The following XYLT1 variants were observed in gnomAD, a reference collection of about 807,000 sequenced individuals.
XYLT1 encodes xylosyltransferase 1.
XYLT1 carries 36 observed loss-of-function variants against 91.3 expected under a neutral mutation model. The ratio of observed to expected loss-of-function variants is 0.39; its 90% CI spans 0.30 to 0.52. The LOEUF is 0.52. XYLT1 is among the 20% of genes least tolerant of loss of function. XYLT1 has a pLI of 0.68. For synonymous variants in XYLT1, 588 were observed against 532.0 expected, an observed-to-expected ratio of 1.11 and a Z score of -1.45; for missense variants, 1,242 against 1,284.5, an observed-to-expected ratio of 0.97 and a Z score of 0.51.
intron 2 of XYLT1, among the ~76,000 whole-genome samples, chr16:17,311,495 G>A (rs192201522): frequency 6.6e-6 from 1 of 152,274 alleles, no homozygotes; most frequent in Admixed American, 6.5e-5. Flanking sequence ...CCCATGTGAT[G>A]CAGCTGCTGT....
intron 1 of XYLT1, among the ~76,000 whole-genome samples, chr16:17,389,536 G>T (rs536085224): frequency 2.0e-5 from 3 of 152,358 alleles, no homozygotes; most frequent in South Asian, 2.1e-4. Flanking sequence ...CAGCCCCGGA[G>T]TGGATCTGTT....
intron 10 of XYLT1, among the ~76,000 whole-genome samples, chr16:17,124,501 C>T (rs1488657373): frequency 6.6e-6 from 1 of 152,116 alleles, no homozygotes; most frequent in Non-Finnish European, 1.5e-5. Context: ...GATGGGTTTT[C>T]CTTTATAGGT....
intron 5 of XYLT1, among the ~76,000 whole-genome samples, chr16:17,161,195 G>A (rs1406897238): frequency 6.6e-6 from 1 of 152,096 alleles, no homozygotes; most frequent in African/African-American, 2.4e-5. Context: ...CACATTTACC[G>A]CTTCACCGAG....
At chr16:17,437,918 G>A (rs906458993) in intron 1 of XYLT1, among the ~76,000 whole-genome samples, 3 of 152,220 alleles carry the variant, frequency 2.0e-5, no homozygotes, top group African/African-American at 7.2e-5. Context: ...TTTCTGGACG[G>A]GATCATACAT....
chr16:17,458,492 A>ATCAGAGAGGGCCTCCAATGGGGAAT (rs1490423769), intron 1 of XYLT1, among the ~76,000 whole-genome samples: 1 of 152,186 alleles, frequency 6.6e-6, no homozygotes, highest in Non-Finnish European at 1.5e-5. Flanking sequence ...CAATGCAGAC[A>ATCAGAGAGGGCCTCCAATGGGGAAT]TCAGAGAGGG....
chr16:17,337,865 C>T (rs527385533), intron 2 of XYLT1, among the ~76,000 whole-genome samples: 3 of 145,750 alleles, frequency 2.1e-5, no homozygotes, highest in Non-Finnish European at 4.5e-5. Context: ...ACTCCAGCTT[C>T]TGTCTCCAGG....
chr16:17,470,725 C>T lies in XYLT1; in HGVS notation c.72G>A (p.Val24=). The change falls in exon 1 of 12, where the codon GTG becomes GTA. Residue 24 remains valine (V), a synonymous_variant. Coordinates refer to ENST00000261381, the MANE Select transcript of XYLT1 (RefSeq NM_022166.4). ...ACACGACCAGCGTCTGCAGCAGCAG[C>T]ACCGTGAGCGCCGCGAGCAGCGCCG... The part of the protein sequence containing the change: ...SHSALLAALT[V]LLLQTLVVWN... 1 of 1,151,078 alleles carries T rather than the reference C, an allele frequency of 8.7e-7. No individual in the cohort carries two copies. The highest frequency in any genetic ancestry group is 1.1e-6 in the Non-Finnish European group (1 of 918,804). 71.3% of individuals were successfully genotyped at this position (1,151,078 alleles called of 1,614,324 possible). A position where few individuals can be genotyped will look rare whatever the true frequency, so the allele number is the denominator to read the frequency against.
intron 2 of XYLT1, among the ~76,000 whole-genome samples, chr16:17,332,788 T>C (rs886566823): frequency 3.9e-5 from 6 of 152,128 alleles, no homozygotes; most frequent in African/African-American, 1.4e-4. Flanking sequence ...ATTCCTAGAC[T>C]GGCCATTTAT....
At chr16:17,357,826 A>C (rs2035322659) in intron 2 of XYLT1, among the ~76,000 whole-genome samples, 186 bp downstream of exon 2, 1 of 152,228 alleles carries the variant, frequency 6.6e-6, no homozygotes, top group African/African-American at 2.4e-5. Context: ...ATGCACACCC[A>C]CACCATTGCA....
intron 1 of XYLT1, among the ~76,000 whole-genome samples, chr16:17,380,403 C>T (rs1006659246): frequency 4.6e-5 from 7 of 152,010 alleles, no homozygotes; most frequent in African/African-American, 1.7e-4. Flanking sequence ...GTTGTATATC[C>T]CATGGAAGGA....
At chr16:17,430,099 G>A (rs2036372264) in intron 1 of XYLT1, among the ~76,000 whole-genome samples, 1 of 151,870 alleles carries the variant, frequency 6.6e-6, no homozygotes, top group African/African-American at 2.4e-5. Flanking sequence ...ACCGCGCTCA[G>A]CTAATTTTTG....
chr16:17,336,039 C>T (rs78347724), intron 2 of XYLT1, among the ~76,000 whole-genome samples: 12,753 of 152,124 alleles, frequency 0.084, 536 homozygotes, highest in Non-Finnish European at 0.1. Context: ...GCCTGGCTGG[C>T]TGGCAAGACT....
intron 2 of XYLT1, among the ~76,000 whole-genome samples, chr16:17,310,024 G>C (rs1029193065): frequency 2.0e-5 from 3 of 152,180 alleles, no homozygotes; most frequent in African/African-American, 7.2e-5. Flanking sequence ...CATCATCCCT[G>C]TAAAGATGGG....
chr16:17,439,434 A>G (rs561695863), intron 1 of XYLT1, among the ~76,000 whole-genome samples: 1 of 152,208 alleles, frequency 6.6e-6, no homozygotes, highest in South Asian at 2.1e-4. Flanking sequence ...GCGGCTCCCT[A>G]AATTACAGTC....
chr16:17,461,578 T>C lies in XYLT1; in HGVS notation c.363+8856A>G, dbSNP rs1311782208. Among the ~76,000 whole-genome samples, 7 of 151,840 alleles carry C rather than the reference T, an allele frequency of 4.6e-5. No homozygotes were observed. The South Asian group carries it at 1.2e-3, about 27-fold the overall frequency. ...ATGGATGGACAGATGGATGGATGAA[T>C]GGACAGAGGATGGATGAATGGACGG... is the stretch of plus-strand genomic sequence containing the variant. On this transcript the variant is annotated intron_variant, in intron 1 of 11. Coordinates refer to ENST00000261381, the MANE Select transcript of XYLT1 (RefSeq NM_022166.4).
At chr16:17,335,866 T>C (rs564757295) in intron 2 of XYLT1, among the ~76,000 whole-genome samples, 14 of 152,326 alleles carry the variant, frequency 9.2e-5, no homozygotes, top group African/African-American at 2.4e-4. Context: ...GTGGAAAAAC[T>C]AGTATAATTT....
intron 1 of XYLT1, among the ~76,000 whole-genome samples, chr16:17,389,785 T>G (rs2141891251): frequency 6.6e-6 from 1 of 151,996 alleles, no homozygotes; most frequent in East Asian, 1.9e-4. Flanking sequence ...GAACCAGGAG[T>G]TAAACAAAAT....
At chr16:17,112,550 G>C (rs1405142531) in intron 11 of XYLT1, among the ~76,000 whole-genome samples, 1 of 152,062 alleles carries the variant, frequency 6.6e-6, no homozygotes, top group African/African-American at 2.4e-5. Flanking sequence ...TGACCAACAG[G>C]TGTACCTGAA....
At position 17,470,689 on chromosome 16, in the gene XYLT1, G is replaced by A. The variant is rs1596565275; in HGVS notation, c.108C>T (p.Ser36=). Residue 36 remains serine (S), a synonymous_variant, in exon 1 of 12, where the codon AGC becomes AGT. Coordinates refer to ENST00000261381, the MANE Select transcript of XYLT1 (RefSeq NM_022166.4). ...GCTCCCCGGCCCCGGAGTCGAGGCT[G>A]CTGAAATTCCACACGACCAGCGTCT... ...LLQTLVVWNF[S]SLDSGAGERR... The A allele has an allele frequency of 8.6e-7, 1 of 1,163,898 alleles. No individual in the cohort carries two copies. Among genetic ancestry groups the A allele is most frequent in the Non-Finnish European group, 1.1e-6 (1 of 925,062 alleles). The allele number at this position is 1,163,898 out of a possible 1,614,324, so 72.1% of individuals were successfully genotyped here.
Sources: gnomAD v4.1 joint callset for allele counts (sites outside exome capture counted in the v4.1 genomes callset) on GRCh38, gnomAD v4.1.1 for gene constraint, MANE v1.5 for transcripts, NCBI Gene and HGNC (gene_info 2026-07-23, HGNC 2026-07-21) for gene names.